ADCY8: variants seen among roughly 807,000 people sequenced by gnomAD.
The protein encoded by ADCY8 is adenylate cyclase 8.
In ADCY8, 51 loss-of-function variants were observed where a neutral mutation model predicts 119.7. The observed-to-expected ratio is 0.43, with a 90% CI of 0.34 to 0.54. The LOEUF (loss-of-function observed/expected upper bound fraction) is 0.54, where lower values mean the gene tolerates loss of function less well. Ranked by LOEUF, ADCY8 falls within the 20% of genes least tolerant of loss-of-function variation. The pLI is 0.03. For synonymous variants in ADCY8, 665 were observed against 651.0 expected, an observed-to-expected ratio of 1.02 and a Z score of -0.33; for missense variants, 1,383 against 1,598.8, an observed-to-expected ratio of 0.87 and a Z score of 2.30.
chr8:130,808,527 G>T (rs1265427991), intron 14 of ADCY8, among the ~76,000 whole-genome samples: 2 of 152,152 alleles, frequency 1.3e-5, no homozygotes, highest in East Asian at 3.9e-4. Context: ...ACAACAAGGG[G>T]CATGAGGAAA....
chr8:130,962,342 G>A (rs796558178), intron 2 of ADCY8, among the ~76,000 whole-genome samples: 53 of 152,286 alleles, frequency 3.5e-4, no homozygotes, highest in African/African-American at 1.2e-3. Context: ...CTGCTGGGGC[G>A]CAATATATCC....
intron 5 of ADCY8, among the ~76,000 whole-genome samples, chr8:130,931,857 T>G (rs1820639367): frequency 6.6e-6 from 1 of 152,196 alleles, no homozygotes; most frequent in South Asian, 2.1e-4. Flanking sequence ...TTATTAATTT[T>G]TTTTTGCATT....
At chr8:130,964,694 CT>C (rs1156717574) in intron 2 of ADCY8, among the ~76,000 whole-genome samples, 3 of 152,196 alleles carry the variant, frequency 2.0e-5, no homozygotes, top group Non-Finnish European at 4.4e-5. Context: ...AACTAATGCA[CT>C]TTGGCTATGG....
At chr8:130,978,128 C>CAT (rs1822130285) in intron 2 of ADCY8, among the ~76,000 whole-genome samples, 1 of 152,080 alleles carries the variant, frequency 6.6e-6, no homozygotes, top group South Asian at 2.1e-4. Flanking sequence ...ATATTAATTA[C>CAT]ATTACCATAG....
At chr8:130,902,404 G>A (rs1403000716) in intron 7 of ADCY8, among the ~76,000 whole-genome samples, 1 of 152,148 alleles carries the variant, frequency 6.6e-6, no homozygotes, top group Admixed American at 6.5e-5. Flanking sequence ...TATGACTTTT[G>A]TGTGCATAAT....
intron 8 of ADCY8, among the ~76,000 whole-genome samples, chr8:130,872,730 A>G (rs1818412115): frequency 6.6e-6 from 1 of 152,198 alleles, no homozygotes; most frequent in African/African-American, 2.4e-5. Context: ...GTGAACTGAT[A>G]ATAGGGAAGA....
chr8:130,868,360 C>T (rs573447520), intron 8 of ADCY8, among the ~76,000 whole-genome samples: 3,292 of 151,866 alleles, frequency 0.022, 71 homozygotes, highest in South Asian at 0.079. Flanking sequence ...TTTCTGCCTC[C>T]TTTTTTTTAT....
At chr8:130,934,811 C>T (rs1424983139) in intron 5 of ADCY8, among the ~76,000 whole-genome samples, 1 of 152,126 alleles carries the variant, frequency 6.6e-6, no homozygotes, top group East Asian at 1.9e-4. Flanking sequence ...TCTTGGGTCT[C>T]TTTATCTACC....
At chr8:130,933,962 T>C (rs1375526854) in intron 5 of ADCY8, among the ~76,000 whole-genome samples, 1 of 152,232 alleles carries the variant, frequency 6.6e-6, no homozygotes, top group Non-Finnish European at 1.5e-5. Context: ...TGATCTGATT[T>C]TTTCATTTTG....
chr8:130,960,116 G>A (rs1044196536), intron 2 of ADCY8, among the ~76,000 whole-genome samples: 1 of 152,202 alleles, frequency 6.6e-6, no homozygotes, highest in Non-Finnish European at 1.5e-5. Flanking sequence ...ATTCATGGCA[G>A]TGGAGATGGA....
intron 15 of ADCY8, among the ~76,000 whole-genome samples, chr8:130,798,801 A>G (rs1436376637): frequency 6.6e-6 from 1 of 152,178 alleles, no homozygotes. Context: ...CTGCACGCCC[A>G]TGTTCATCTC....
rs142192281 is a variant in ADCY8 at position 131,014,119 on chromosome 8, G to A, written c.961-23577C>T. On this transcript the variant is annotated intron_variant, in intron 1 of 17. Coordinates refer to ENST00000286355, the MANE Select transcript of ADCY8 (RefSeq NM_001115.3). ...TCCCAATACTCCTTTTCTCTGATGAGTATAGAGAATAGAGTGGCTTAAAAT... is the reference window on the plus strand; with the variant it reads ...TCCCAATACTCCTTTTCTCTGATGAATATAGAGAATAGAGTGGCTTAAAAT... Among the ~76,000 whole-genome samples the A allele has an allele frequency of 2.5e-3, 374 of 152,294 alleles. 2 individuals carry two copies. Among genetic ancestry groups the A allele is most frequent in the African/African-American group, 8.6e-3 (359 of 41,566 alleles).
At chr8:130,860,954 A>C (rs1817909066) in intron 9 of ADCY8, among the ~76,000 whole-genome samples, 1 of 152,200 alleles carries the variant, frequency 6.6e-6, no homozygotes, top group Admixed American at 6.5e-5. Context: ...CAGTACCATT[A>C]GTTAAAAAGA....
intron 5 of ADCY8, among the ~76,000 whole-genome samples, chr8:130,930,449 C>T (rs1433699269): frequency 3.3e-5 from 5 of 152,086 alleles, no homozygotes. Context: ...GACAGGGTTT[C>T]ACCGTGTTAA....
chr8:130,960,233 C>A (rs111827548), intron 2 of ADCY8, among the ~76,000 whole-genome samples: 10 of 152,154 alleles, frequency 6.6e-5, no homozygotes, highest in South Asian at 6.2e-4. Flanking sequence ...AAGGATGGAA[C>A]CTTGGATCTA....
chr8:130,878,852 T>C (rs1276025536), intron 8 of ADCY8, among the ~76,000 whole-genome samples: 1 of 152,198 alleles, frequency 6.6e-6, no homozygotes, highest in African/African-American at 2.4e-5. Context: ...TTCCTTGATA[T>C]GGCTTGATTA....
At chr8:130,875,104 A>C (rs1038959118) in intron 8 of ADCY8, among the ~76,000 whole-genome samples, 6 of 152,172 alleles carry the variant, frequency 3.9e-5, no homozygotes, top group Non-Finnish European at 8.8e-5. Flanking sequence ...TGATCTGATT[A>C]AAAAATACAC....
At chr8:131,003,904 G>A (rs1207779359) in intron 1 of ADCY8, among the ~76,000 whole-genome samples, 4 of 152,042 alleles carry the variant, frequency 2.6e-5, no homozygotes, top group African/African-American at 9.7e-5. Flanking sequence ...GGAAGAGGAG[G>A]GGGAGGGAAA....
chr8:130,821,609 A>T (rs1816512300), intron 12 of ADCY8, among the ~76,000 whole-genome samples, 189 bp from the exon 13 acceptor site: 1 of 152,224 alleles, frequency 6.6e-6, no homozygotes, highest in African/African-American at 2.4e-5. Flanking sequence ...CCCCAAGGGT[A>T]TGAGGTGACC....
Sources: gnomAD v4.1 joint callset for allele counts (sites outside exome capture counted in the v4.1 genomes callset) on GRCh38, gnomAD v4.1.1 for gene constraint, MANE v1.5 for transcripts, NCBI Gene and HGNC (gene_info 2026-07-23, HGNC 2026-07-21) for gene names.